The following ASXL1 variants were observed in gnomAD, a reference collection of about 807,000 sequenced individuals.
ASXL1 encodes the protein ASXL transcriptional regulator 1, also known as polycomb group protein ASXL1.
In ASXL1, 65 loss-of-function variants were observed where a neutral mutation model predicts 89.1. That is an observed-to-expected ratio of 0.73 (90% CI 0.60 to 0.90). The LOEUF is 0.90. ASXL1 is among the 40% of genes least tolerant of loss of function. ASXL1 has a pLI of 0.00. For synonymous variants in ASXL1, 739 were observed against 746.9 expected, an observed-to-expected ratio of 0.99 and a Z score of 0.17; for missense variants, 1,786 against 1,942.9, an observed-to-expected ratio of 0.92 and a Z score of 1.52.
intron 4 of ASXL1, among the ~76,000 whole-genome samples, chr20:32,382,598 C>G (rs2048506075): frequency 7.2e-6 from 1 of 138,388 alleles, no homozygotes; most frequent in Non-Finnish European, 1.6e-5. Context: ...ATATGGAGAC[C>G]TCGTCTCTAC....
intron 4 of ASXL1, among the ~76,000 whole-genome samples, chr20:32,404,491 T>G (rs938894837): frequency 1.3e-5 from 2 of 152,248 alleles, no homozygotes; most frequent in Non-Finnish European, 2.9e-5. Flanking sequence ...TTGATCTGTA[T>G]TCTGTGACCT....
At chr20:32,428,700 G>A (rs1469792434) in intron 6 of ASXL1, 4 of 336,478 alleles carry the variant, frequency 1.2e-5, no homozygotes, top group African/African-American at 5.3e-5. Flanking sequence ...CGCGCCTGTC[G>A]CTCAGGCTGG....
At chr20:32,374,278 GC>G (rs1372853749) in intron 4 of ASXL1, among the ~76,000 whole-genome samples, 1 of 152,110 alleles carries the variant, frequency 6.6e-6, no homozygotes, top group Non-Finnish European at 1.5e-5. Flanking sequence ...ATAGGCATGA[GC>G]CACTGTGCTC....
chr20:32,364,381 AGTTTTTTGT>A lies in ASXL1; in HGVS notation c.58-2002_58-1994del, dbSNP rs879926888. On this transcript the variant is annotated intron_variant, in intron 1 of 12. Coordinates refer to ENST00000375687, the MANE Select transcript of ASXL1 (RefSeq NM_015338.6). The stretch of plus-strand genomic sequence containing the variant: ...CGGGCATGAGCCACCATGCCCATCT[AGTTTTTTGT>A]ATTTTTTTGTAGAGACAGGGTTTCA... Among the ~76,000 whole-genome samples, 1,442 of 151,866 alleles carry A rather than the reference AGTTTTTTGT, an allele frequency of 9.5e-3. 14 individuals are homozygous for A. The highest frequency in any genetic ancestry group is 0.023 in the African/African-American group (941 of 41,404).
At chr20:32,380,465 C>G (rs2048468482) in intron 4 of ASXL1, among the ~76,000 whole-genome samples, 1 of 151,952 alleles carries the variant, frequency 6.6e-6, no homozygotes, top group Non-Finnish European at 1.5e-5. Context: ...TTGCAAATGC[C>G]TTATTGCCAG....
intron 4 of ASXL1, 24 bp downstream of exon 4, chr20:32,369,147 G>T (rs2048255316): frequency 6.4e-7 from 1 of 1,571,938 alleles, no homozygotes; most frequent in Non-Finnish European, 8.8e-7. Flanking sequence ...ACTCTCTTTT[G>T]GTGCAGTGAT....
chr20:32,412,542 T>C (rs2049066328), intron 4 of ASXL1, among the ~76,000 whole-genome samples: 1 of 152,110 alleles, frequency 6.6e-6, no homozygotes, highest in Admixed American at 6.6e-5. Context: ...TTCCTCTTTT[T>C]AGTGCTGTGG....
At chr20:32,404,804 C>T (rs1035789173) in intron 4 of ASXL1, among the ~76,000 whole-genome samples, 4 of 152,140 alleles carry the variant, frequency 2.6e-5, no homozygotes, top group South Asian at 2.1e-4. Context: ...AAGTTGAGGA[C>T]GTTTTCTTCT....
chr20:32,360,008 C>G (rs932133980), intron 1 of ASXL1: 2 of 568,206 alleles, frequency 3.5e-6, no homozygotes, highest in African/African-American at 3.8e-5. Flanking sequence ...ATGAGTGAAG[C>G]TCAGACTTAA....
At position 32,438,696 on chromosome 20, in the gene ASXL1, C is replaced by G. The variant is rs1370184071; in HGVS notation, c.*1358C>G. The stretch of plus-strand genomic sequence containing the variant: ...ATTCATGGGTGAGTTCCCTGGGCAG[C>G]CCCCAGGAAGGCCTTCCAGATCTGG... On this transcript the variant is annotated 3_prime_UTR_variant, in exon 13 of 13. Transcript: ENST00000375687. The G allele has an allele frequency of 4.3e-6, 1 of 233,494 alleles. No homozygotes were observed. Among genetic ancestry groups the G allele is most frequent in the Non-Finnish European group, 8.5e-6 (1 of 117,998 alleles). The allele number at this position is 233,494 out of a possible 1,614,324, so 14.5% of individuals were successfully genotyped here.
chr20:32,412,415 A>G (rs939041071), intron 4 of ASXL1, among the ~76,000 whole-genome samples: 1 of 152,140 alleles, frequency 6.6e-6, no homozygotes, highest in Non-Finnish European at 1.5e-5. Flanking sequence ...CTAAGGATAT[A>G]TAGTCAAAAT....
rs776406016 is a variant in ASXL1, at chr20:32,437,376, G to A, written c.*38G>A. On this transcript the variant is annotated 3_prime_UTR_variant, in exon 13 of 13. Transcript: ENST00000375687. ...ATGGGAAACATTGTATATTTAGTGT[G>A]TGTATTTTGATAATGATTGATCTTA... The A allele has an allele frequency of 1.4e-5, 22 of 1,599,330 alleles. No individual in the cohort carries two copies. Among genetic ancestry groups the A allele is most frequent in the Non-Finnish European group, 1.8e-5 (21 of 1,166,910 alleles).
At chr20:32,407,821 G>A (rs1168067804) in intron 4 of ASXL1, among the ~76,000 whole-genome samples, 1 of 152,050 alleles carries the variant, frequency 6.6e-6, no homozygotes, top group Non-Finnish European at 1.5e-5. Flanking sequence ...TTTTGAGGAA[G>A]TCTGTTTTAT....
rs2011578667 is a variant in ASXL1, at chr20:32,433,156, G to GT, written c.1086-126dup. ...TGAAGCTAACAGAAGTTTTTCCATG[G>GT]TTAGATTGTGCACCACACAGATTTA... is the stretch of plus-strand genomic sequence containing the variant. On this transcript the variant is annotated intron_variant, in intron 11 of 12. Coordinates refer to ENST00000375687, the MANE Select transcript of ASXL1 (RefSeq NM_015338.6). The GT allele has an allele frequency of 6.5e-6, 10 of 1,542,918 alleles. No individual in the cohort carries two copies. The South Asian group carries it at 1.1e-4, about 16-fold the overall frequency.
chr20:32,377,972 C>CTGTGTGTGTCGTGTGTGTGTGTG (rs2048414854), intron 4 of ASXL1, among the ~76,000 whole-genome samples: 1 of 115,340 alleles, frequency 8.7e-6, no homozygotes, highest in East Asian at 3.1e-4. Flanking sequence ...AGTTTTGACT[C>CTGTGTGTGTCGTGTGTGTGTGTG]TGTGTGTGTG....
chr20:32,386,800 T>C (rs2048587669), intron 4 of ASXL1, among the ~76,000 whole-genome samples: 1 of 150,594 alleles, frequency 6.6e-6, no homozygotes, highest in Non-Finnish European at 1.5e-5. Flanking sequence ...TTTTTTTTTT[T>C]TTTTTGCTAC....
rs960741058 is a variant in ASXL1 at position 32,437,663 on chromosome 20, C to A, written c.*325C>A. 13 of 436,362 alleles carry A rather than the reference C, an allele frequency of 3.0e-5. No individual in the cohort carries two copies. In the Admixed American group the frequency reaches 3.8e-4, roughly 13 times the overall value. 27.0% of individuals were successfully genotyped at this position (436,362 alleles called of 1,614,324 possible). ...CTCCCAGAGGGACTTGAAACTGAAG[C>A]AAGAAGGTTGCATTCTCCACCAAGG... On this transcript the variant is annotated 3_prime_UTR_variant, in exon 13 of 13. Coordinates refer to ENST00000375687, the MANE Select transcript of ASXL1 (RefSeq NM_015338.6).
intron 12 of ASXL1, 73 bp from the exon 13 acceptor site, chr20:32,434,359 C>G (rs2011645589): frequency 6.5e-7 from 1 of 1,549,520 alleles, no homozygotes; most frequent in Non-Finnish European, 8.9e-7. Flanking sequence ...TACTAGAATC[C>G]TAGTTTTGCT....
chr20:32,359,017 T>C (rs2048062020), intron 1 of ASXL1, 185 bp downstream of exon 1: 1 of 663,430 alleles, frequency 1.5e-6, no homozygotes, highest in Non-Finnish European at 2.5e-6. Context: ...GGATGGGATG[T>C]GGCGCCTTTT....
Sources: allele counts gnomAD v4.1 joint callset (sites outside exome capture counted in the v4.1 genomes callset), GRCh38; gene constraint gnomAD v4.1.1; transcripts MANE v1.5; gene names NCBI Gene and HGNC (gene_info 2026-07-23, HGNC 2026-07-21).